Variants in CLNK observed in about 807,000 individuals in gnomAD.
CLNK encodes cytokine dependent hematopoietic cell linker, also known as cytokine-dependent hematopoietic cell linker.
In CLNK, 74 loss-of-function variants were observed where a neutral mutation model predicts 68.6. The ratio of observed to expected loss-of-function variants is 1.08; its 90% CI spans 0.89 to 1.31. The LOEUF is 1.31. Among genes scored for constraint, CLNK ranks in the 50% most tolerant of loss-of-function variants. The pLI is 0.00. For synonymous variants in CLNK, 198 were observed against 172.2 expected (o/e 1.15, Z -1.17); for missense variants, 553 against 515.3 (o/e 1.07, Z -0.71).
At chr4:10,654,379 G>T (rs78572197) in intron 2 of CLNK, among the ~76,000 whole-genome samples, 3 of 68,762 alleles carry the variant, frequency 4.4e-5, no homozygotes, top group Non-Finnish European at 8.0e-5. Context: ...AATATATATT[G>T]ATTAAATATA....
intron 5 of CLNK, among the ~76,000 whole-genome samples, chr4:10,567,953 A>T (rs939857398): frequency 6.6e-6 from 1 of 152,252 alleles, no homozygotes; most frequent in South Asian, 2.1e-4. Context: ...GAATTTGAGG[A>T]TCTCATGCAT....
Position 10,513,831 on chromosome 4 carries a change from A to AT in CLNK, c.773-235_773-234insA, listed in dbSNP as rs1560196058. Among the ~76,000 whole-genome samples the AT allele has an allele frequency of 1.7e-3, 235 of 142,312 alleles. 1 individual carries two copies. Among genetic ancestry groups the AT allele is most frequent in the African/African-American group, 5.7e-3 (224 of 39,448 alleles). 93.4% of individuals were successfully genotyped at this position (142,312 alleles called of 152,430 possible). A position where few individuals can be genotyped will look rare whatever the true frequency, so the allele number is the denominator to read the frequency against. The stretch of plus-strand genomic sequence containing the variant: ...CTCCCAGAGTCATCTTTTTTTTTTT[A>AT]AATTATTATTATTATTATTATTATT... On this transcript the variant is annotated intron_variant, in intron 15 of 18. Coordinates refer to ENST00000226951, the MANE Select transcript of CLNK (RefSeq NM_052964.4).
At chr4:10,726,366 G>A in the CLNK span, among the ~76,000 whole-genome samples, 7 of 152,156 alleles carry the variant, frequency 4.6e-5, no homozygotes, top group South Asian at 6.2e-4. Context: ...TGATTCACCC[G>A]ACTTGGCCTC....
intron 4 of CLNK, among the ~76,000 whole-genome samples, chr4:10,583,441 C>G (rs1401664829): frequency 6.6e-6 from 1 of 152,146 alleles, no homozygotes; most frequent in African/African-American, 2.4e-5. Flanking sequence ...TGCCCACCAT[C>G]ATGCCCAGAT....
At chr4:10,730,992 G>A in the CLNK span, among the ~76,000 whole-genome samples, 2 of 152,284 alleles carry the variant, frequency 1.3e-5, no homozygotes, top group East Asian at 3.9e-4. Flanking sequence ...ACGTGACATT[G>A]TGATACACGC....
intron 12 of CLNK, among the ~76,000 whole-genome samples, chr4:10,530,344 A>G (rs966123950): frequency 2.0e-5 from 3 of 152,232 alleles, no homozygotes; most frequent in African/African-American, 7.2e-5. Context: ...GGGAGGTAGC[A>G]CATAAAAGAT....
chr4:10,505,576 T>C (rs1388743612), intron 17 of CLNK, among the ~76,000 whole-genome samples: 2 of 152,194 alleles, frequency 1.3e-5, no homozygotes, highest in African/African-American at 2.4e-5. Flanking sequence ...CTAAAATCAA[T>C]AGGAGAGACT....
chr4:10,514,015 CT>C (rs1262736784), intron 15 of CLNK, among the ~76,000 whole-genome samples: 3 of 109,648 alleles, frequency 2.7e-5, no homozygotes, highest in African/African-American at 1.0e-4. Flanking sequence ...CCCCTCCCCC[CT>C]CCCCACCACA....
chr4:10,682,133 A>ATGTGTGTGTGTGTATG (rs1725116717), intron 1 of CLNK, among the ~76,000 whole-genome samples: 6 of 128,402 alleles, frequency 4.7e-5, no homozygotes, highest in African/African-American at 1.8e-4. Context: ...GTGTGTGTGT[A>ATGTGTGTGTGTGTATG]TGTGTGTGTG....
chr4:10,637,855 G>T (rs1347400432), intron 2 of CLNK, among the ~76,000 whole-genome samples: 1 of 151,678 alleles, frequency 6.6e-6, no homozygotes, highest in Non-Finnish European at 1.5e-5. Context: ...ACCCGCCTCA[G>T]CCTCCCAAAG....
At chr4:10,715,994 C>T in the CLNK span, among the ~76,000 whole-genome samples, 8 of 152,100 alleles carry the variant, frequency 5.3e-5, no homozygotes, top group African/African-American at 7.2e-5. Flanking sequence ...CCTGAGCCTC[C>T]GCTGTTTGAG....
chr4:10,711,145 T>C, the CLNK span, among the ~76,000 whole-genome samples: 122,453 of 152,124 alleles, frequency 0.8, 49,657 homozygotes, highest in Admixed American at 0.86. Context: ...TACTCCTCTG[T>C]CTCTAAAGTT....
At chr4:10,531,633 G>A in intron 12 of CLNK, 1 of 409,360 alleles carries the variant, frequency 2.4e-6, no homozygotes. Flanking sequence ...TAGAGATGGG[G>A]TTTCTTCATG....
chr4:10,698,871 T>C, the CLNK span, among the ~76,000 whole-genome samples: 15 of 152,164 alleles, frequency 9.9e-5, no homozygotes, highest in African/African-American at 3.6e-4. Flanking sequence ...GTAGGTCTCA[T>C]CTGATCGACT....
intron 2 of CLNK, among the ~76,000 whole-genome samples, chr4:10,605,597 A>T (rs1235565093): frequency 1.3e-5 from 2 of 152,172 alleles, no homozygotes; most frequent in African/African-American, 4.8e-5. Flanking sequence ...TGGGAGGCCA[A>T]GGTGGGTAGA....
At chr4:10,701,212 C>T in the CLNK span, among the ~76,000 whole-genome samples, 1 of 152,196 alleles carries the variant, frequency 6.6e-6, no homozygotes, top group African/African-American at 2.4e-5. Context: ...ACAGATTTTG[C>T]AAGCAGACAT....
At chr4:10,527,052 T>A (rs1489191702) in intron 13 of CLNK, among the ~76,000 whole-genome samples, 2 of 152,158 alleles carry the variant, frequency 1.3e-5, no homozygotes, top group Non-Finnish European at 2.9e-5. Flanking sequence ...GAAATGTGAG[T>A]CAGTGACTGG....
chr4:10,586,515 A>G (rs1388174357), intron 3 of CLNK, among the ~76,000 whole-genome samples: 4 of 151,654 alleles, frequency 2.6e-5, no homozygotes, highest in African/African-American at 4.8e-5. Context: ...GGGTTTCACC[A>G]TGTTGGCCAG....
intron 18 of CLNK, among the ~76,000 whole-genome samples, chr4:10,496,458 C>G (rs1370299216): frequency 6.6e-5 from 10 of 152,210 alleles, no homozygotes; most frequent in Admixed American, 6.5e-4. Flanking sequence ...AGACCGTCTT[C>G]CTCTTACACA....
Sources: allele counts gnomAD v4.1 joint callset (sites outside exome capture counted in the v4.1 genomes callset), GRCh38; gene constraint gnomAD v4.1.1; transcripts MANE v1.5; gene names NCBI Gene and HGNC (gene_info 2026-07-23, HGNC 2026-07-21).